DOCK1: variants seen among roughly 807,000 people sequenced by gnomAD.
The protein encoded by DOCK1 is dedicator of cytokinesis protein 1.
Under a neutral mutation model 262.7 loss-of-function variants are expected in DOCK1, and 138 were observed. The ratio of observed to expected loss-of-function variants is 0.53; its 90% CI spans 0.46 to 0.61. The LOEUF (loss-of-function observed/expected upper bound fraction) is 0.61. DOCK1 is among the 20% of genes least tolerant of loss of function. The probability of loss-of-function intolerance (pLI) is 0.00; values close to 1 mark genes in which losing one functional copy is unlikely to be tolerated. For missense variants in DOCK1, 1,908 were observed against 2,370.7 expected (o/e 0.80, Z 4.05); for synonymous variants, 866 against 867.4 (o/e 1.00, Z 0.03).
chr10:127,162,502 G>A (rs1279254010), intron 27 of DOCK1, among the ~76,000 whole-genome samples: 2 of 152,182 alleles, frequency 1.3e-5, no homozygotes, highest in Non-Finnish European at 2.9e-5. Flanking sequence ...CAGAAGTTGA[G>A]TTGGGTCTGT....
At position 127,253,387 on chromosome 10, in the gene DOCK1, C is replaced by T. The variant is rs1046470240; in HGVS notation, c.2950-3948C>T. Among the ~76,000 whole-genome samples, 7 of 152,258 alleles carry T rather than the reference C, an allele frequency of 4.6e-5. No individual in the cohort carries two copies. The South Asian group carries it at 6.2e-4, about 14-fold the overall frequency. On this transcript the variant is annotated intron_variant, in intron 28 of 51. Transcript: ENST00000623213. ...CCAGAAGTGTGTGGGTCTCTCCCACCGCATCCCATTCCCTGACACCAGCTG... is the reference window on the plus strand; with the variant it reads ...CCAGAAGTGTGTGGGTCTCTCCCACTGCATCCCATTCCCTGACACCAGCTG...
intron 46 of DOCK1, among the ~76,000 whole-genome samples, chr10:127,424,393 A>G (rs2134532236): frequency 6.6e-6 from 1 of 152,158 alleles, no homozygotes; most frequent in East Asian, 1.9e-4. Flanking sequence ...TCACACCACC[A>G]TCAACACCAA....
intron 27 of DOCK1, among the ~76,000 whole-genome samples, chr10:127,147,336 C>T (rs561816593): frequency 5.3e-5 from 8 of 152,220 alleles, no homozygotes; most frequent in Middle Eastern, 3.4e-3. Flanking sequence ...TTCCTAACGC[C>T]GTAGCCTGGA....
chr10:127,034,145 T>G (rs1039013267), intron 18 of DOCK1, among the ~76,000 whole-genome samples: 1 of 152,150 alleles, frequency 6.6e-6, no homozygotes, highest in Non-Finnish European at 1.5e-5. Context: ...TTTGTCCCTG[T>G]TCATGCTGCT....
At chr10:127,141,064 A>G (rs1402863599) in intron 27 of DOCK1, among the ~76,000 whole-genome samples, 1 of 152,104 alleles carries the variant, frequency 6.6e-6, no homozygotes, top group Admixed American at 6.6e-5. Flanking sequence ...CTTCATGATT[A>G]TCACTTTCTC....
chr10:127,062,424 A>G (rs2045595435), intron 23 of DOCK1, among the ~76,000 whole-genome samples: 1 of 152,112 alleles, frequency 6.6e-6, no homozygotes, highest in South Asian at 2.1e-4. Context: ...TTGCTTTTTG[A>G]ACATATACAC....
intron 29 of DOCK1, among the ~76,000 whole-genome samples, chr10:127,336,540 T>G (rs1037971688): frequency 2.6e-5 from 4 of 151,842 alleles, no homozygotes; most frequent in Non-Finnish European, 5.9e-5. Flanking sequence ...ACATAGTTTT[T>G]TTTTTTTTTT....
Position 127,409,164 on chromosome 10 carries a change from A to G in DOCK1, c.4250A>G (p.Asn1417Ser). ...TTSPPGDDIK[N>S]SPGQYIQCFT... ...TCTCCACCAGGCGACGATATTAAAAACTCTCCTGGCCAGTGTATCCTTTAA... is the reference window on the plus strand; with the variant it reads ...TCTCCACCAGGCGACGATATTAAAAGCTCTCCTGGCCAGTGTATCCTTTAA... Residue 1417 changes from asparagine (N) to serine (S), a missense_variant, in exon 41 of 52, where the codon AAC becomes AGC. Asn to Ser is a conservative substitution (Grantham distance 46, BLOSUM62 1). This residue lies in a region of DOCK1 where 267 missense variants were observed against 366.3 expected (regional missense o/e 0.73). Transcript: ENST00000623213. 6.2e-7 allele frequency: 1 copy of G among 1,611,216 alleles called. No individual in the cohort carries two copies. Among genetic ancestry groups the G allele is most frequent in the South Asian group, 1.1e-5 (1 of 90,790 alleles).
chr10:127,016,864 C>G (rs1489395246), intron 12 of DOCK1, among the ~76,000 whole-genome samples: 1 of 120,322 alleles, frequency 8.3e-6, no homozygotes, highest in East Asian at 2.5e-4. Flanking sequence ...CATAAACACA[C>G]ACACAGATAC....
intron 29 of DOCK1, among the ~76,000 whole-genome samples, chr10:127,278,077 C>T (rs1404980311): frequency 6.6e-6 from 1 of 152,208 alleles, no homozygotes; most frequent in African/African-American, 2.4e-5. Context: ...GTAGACACCA[C>T]ATGATCACAT....
chr10:127,370,228 G>A (rs2065133673), intron 33 of DOCK1, among the ~76,000 whole-genome samples: 1 of 152,142 alleles, frequency 6.6e-6, no homozygotes, highest in African/African-American at 2.4e-5. Context: ...AGCACTCTGG[G>A]CAAAGAGCAG....
chr10:127,120,564 C>T (rs558475156), intron 25 of DOCK1, among the ~76,000 whole-genome samples: 41 of 152,288 alleles, frequency 2.7e-4, no homozygotes, highest in Middle Eastern at 3.4e-3. Context: ...TTTACACTTA[C>T]AGCACATCTC....
chr10:127,034,958 A>G (rs1033381804), intron 18 of DOCK1, among the ~76,000 whole-genome samples: 2 of 152,188 alleles, frequency 1.3e-5, no homozygotes, highest in Non-Finnish European at 2.9e-5. Flanking sequence ...CACCAGCTGC[A>G]GAGTAATCCC....
In DOCK1 at chr10:127,116,411, C is replaced by T. The variant is rs568729690; in HGVS notation, c.2623+6057C>T. Among the ~76,000 whole-genome samples the T allele has an allele frequency of 5.3e-5, 8 of 152,234 alleles. No individual in the cohort carries two copies. In the South Asian group the frequency reaches 1.2e-3, roughly 24 times the overall value. The stretch of plus-strand genomic sequence containing the variant: ...TTTTTAATGGTGGAAACATTAGTTA[C>T]AGCAGCCCTTTGAAATCTGAGGGCA... On this transcript the variant is annotated intron_variant, in intron 25 of 51. Coordinates refer to ENST00000623213, the MANE Select transcript of DOCK1 (RefSeq NM_001290223.2).
chr10:127,128,369 A>C (rs1241936650), intron 27 of DOCK1, among the ~76,000 whole-genome samples: 1 of 136,118 alleles, frequency 7.3e-6, no homozygotes, highest in African/African-American at 3.0e-5. Flanking sequence ...AGGGGTTATA[A>C]TTTCTTTCCT....
chr10:126,980,794 C>A (rs1287867265), intron 3 of DOCK1, among the ~76,000 whole-genome samples: 2 of 152,136 alleles, frequency 1.3e-5, no homozygotes, highest in East Asian at 3.9e-4. Context: ...GCCACTTTAT[C>A]AATTTCTGCT....
intron 24 of DOCK1, among the ~76,000 whole-genome samples, chr10:127,107,147 C>T (rs2048580180): frequency 6.6e-6 from 1 of 152,098 alleles, no homozygotes; most frequent in African/African-American, 2.4e-5. Context: ...GTTTAAACCC[C>T]AGACATTCAA....
intron 29 of DOCK1, among the ~76,000 whole-genome samples, chr10:127,278,055 T>G (rs1449035259): frequency 6.6e-6 from 1 of 151,340 alleles, no homozygotes; most frequent in African/African-American, 2.4e-5. Context: ...CGCACACGCT[T>G]CCCTCTTAGC....
In DOCK1 at chr10:126,993,227, A is replaced by G. The variant is rs146074802; in HGVS notation, c.473+2624A>G. Among the ~76,000 whole-genome samples, 21 of 152,362 alleles carry G rather than the reference A, an allele frequency of 1.4e-4. No homozygotes were observed. In the East Asian group the frequency reaches 2.7e-3, roughly 20 times the overall value. ...GGGCCGTCCTCTCGTGTGTTCCCTG[A>G]GGGAACCCAATTCTGCGTGGCCTGT... On this transcript the variant is annotated intron_variant, in intron 6 of 51. Coordinates refer to ENST00000623213, the MANE Select transcript of DOCK1 (RefSeq NM_001290223.2).
Sources: allele counts gnomAD v4.1 joint callset (sites outside exome capture counted in the v4.1 genomes callset), GRCh38; gene constraint gnomAD v4.1.1; regional missense constraint gnomAD v4.1.1; transcripts MANE v1.5; gene names NCBI Gene and HGNC (gene_info 2026-07-23, HGNC 2026-07-21).